SMIM36: variants seen among roughly 807,000 people sequenced by gnomAD.
SMIM36 encodes the protein small integral membrane protein 36.
At chr17:55,515,713 C>T (rs1322979054), upstream of SMIM36, among the ~76,000 whole-genome samples, 1 of 152,166 alleles carries the variant, frequency 6.6e-6, no homozygotes, top group Non-Finnish European at 1.5e-5. Context: ...TGGGACAGAC[C>T]CTCCCTCAGA....
chr17:55,498,646 C>T (rs1909852342), intron 1 of SMIM36, among the ~76,000 whole-genome samples: 1 of 151,394 alleles, frequency 6.6e-6, no homozygotes, highest in African/African-American at 2.4e-5. Flanking sequence ...CTCCTGGGCT[C>T]AAGGTATATA....
chr17:55,463,232 T>C (rs752831643), intron 4 of SMIM36, among the ~76,000 whole-genome samples: 1 of 152,088 alleles, frequency 6.6e-6, no homozygotes. Context: ...AATTTATAAA[T>C]TAGGCACAGT....
intron 1 of SMIM36, among the ~76,000 whole-genome samples, chr17:55,490,093 A>G (rs1321953898): frequency 6.6e-6 from 1 of 151,516 alleles, no homozygotes; most frequent in Non-Finnish European, 1.5e-5. Context: ...CTGACCTCGT[A>G]ATCTGCCTGC....
chr17:55,467,900 C>T (rs1412033101), intron 3 of SMIM36, among the ~76,000 whole-genome samples: 7 of 152,060 alleles, frequency 4.6e-5, no homozygotes, highest in African/African-American at 1.4e-4. Flanking sequence ...GATTTGTTCC[C>T]GCCCCACCCT....
chr17:55,501,416 A>ATAT (rs1567871215), intron 1 of SMIM36, among the ~76,000 whole-genome samples: 8 of 23,762 alleles, frequency 3.4e-4, no homozygotes, highest in African/African-American at 2.5e-3. Context: ...ATATATTATA[A>ATAT]AATATAATAT....
At chr17:55,482,411 G>A (rs572167641) in intron 1 of SMIM36, among the ~76,000 whole-genome samples, 9 of 152,262 alleles carry the variant, frequency 5.9e-5, no homozygotes, top group African/African-American at 2.2e-4. Context: ...TCTGGAACCT[G>A]CAACTGAAAC....
intron 1 of SMIM36, among the ~76,000 whole-genome samples, chr17:55,491,905 T>G (rs181302996): frequency 6.6e-6 from 1 of 152,092 alleles, no homozygotes; most frequent in Non-Finnish European, 1.5e-5. Flanking sequence ...CACACCTGTA[T>G]TCCCAGCACT....
chr17:55,516,046 C>T (rs146845060), upstream of SMIM36, among the ~76,000 whole-genome samples: 916 of 152,286 alleles, frequency 6.0e-3, 7 homozygotes, highest in South Asian at 0.025. Flanking sequence ...AAGAAAATTA[C>T]TGTATGTAAA....
chr17:55,510,615 C>A (rs1567873055), intron 1 of SMIM36, among the ~76,000 whole-genome samples: 1 of 152,072 alleles, frequency 6.6e-6, no homozygotes, highest in African/African-American at 2.4e-5. Context: ...AAAATAACAA[C>A]AAAAAACTGG....
chr17:55,512,986 C>T (rs1279663485), upstream of SMIM36, among the ~76,000 whole-genome samples: 7 of 152,116 alleles, frequency 4.6e-5, no homozygotes, highest in Non-Finnish European at 7.3e-5. Flanking sequence ...CATCTGGAGA[C>T]GTTTTTCCAA....
chr17:55,483,831 C>A (rs973778243), intron 1 of SMIM36, among the ~76,000 whole-genome samples: 1 of 152,084 alleles, frequency 6.6e-6, no homozygotes, highest in Non-Finnish European at 1.5e-5. Context: ...ACCACATTGG[C>A]CAGGCTGGTT....
chr17:55,478,915 G>A (rs1176779708), intron 2 of SMIM36, 102 bp from the exon 3 acceptor site: 1 of 152,204 alleles, frequency 6.6e-6, no homozygotes, highest in South Asian at 2.1e-4. Flanking sequence ...TCTGGGAAAG[G>A]AGAATGCAAC....
At position 55,500,900 on chromosome 17, in the gene SMIM36, T is replaced by A. The variant is rs1359723178; in HGVS notation, c.*174+9979A>T. ...ATTTTATAATATATATTATAATATA[T>A]TATATTATAATATATTATAATATAT... On this transcript the variant is annotated intron_variant, in intron 1 of 4. Coordinates refer to ENST00000636752, the Ensembl canonical transcript of SMIM36. 5.8e-4 allele frequency among the ~76,000 whole-genome samples: 10 copies of A among 17,112 alleles called. 3 individuals are homozygous for A. The highest frequency in any genetic ancestry group is 7.9e-3 in the East Asian group (2 of 252). 11.2% of individuals were successfully genotyped at this position (17,112 alleles called of 152,430 possible). A position where few individuals can be genotyped will look rare whatever the true frequency, so the allele number is the denominator to read the frequency against.
chr17:55,458,258 G>C (rs971614080), intron 4 of SMIM36: 6 of 152,114 alleles, frequency 3.9e-5, no homozygotes, highest in African/African-American at 1.4e-4. Context: ...AAGCAAACAG[G>C]CCCCCAGTCA....
chr17:55,498,613 A>G (rs909721431), intron 1 of SMIM36, among the ~76,000 whole-genome samples: 1 of 150,740 alleles, frequency 6.6e-6, no homozygotes, highest in Non-Finnish European at 1.5e-5. Context: ...AGGTCTTGCT[A>G]TGTGGCCTAG....
chr17:55,454,338 A>G (rs761039565), intron 4 of SMIM36, among the ~76,000 whole-genome samples: 1 of 152,256 alleles, frequency 6.6e-6, no homozygotes, highest in Admixed American at 6.5e-5. Flanking sequence ...TGTGCATTAC[A>G]AAAGAGAAAG....
At chr17:55,520,383 C>T in the SMIM36 span, among the ~76,000 whole-genome samples, 96 of 152,266 alleles carry the variant, frequency 6.3e-4, 1 homozygote, top group East Asian at 0.014. Context: ...AATTTGTTTT[C>T]TTATTAAATA....
At chr17:55,468,681 C>T (rs763710858) in intron 3 of SMIM36, among the ~76,000 whole-genome samples, 5 of 152,186 alleles carry the variant, frequency 3.3e-5, no homozygotes, top group Non-Finnish European at 7.3e-5. Flanking sequence ...CCCCCTTCTC[C>T]GTGTCTCTAC....
At chr17:55,469,495 C>T (rs940521811) in intron 3 of SMIM36, among the ~76,000 whole-genome samples, 1 of 152,198 alleles carries the variant, frequency 6.6e-6, no homozygotes, top group Non-Finnish European at 1.5e-5. Flanking sequence ...TTTTATCACC[C>T]AGTCCACTCC....
Sources: gnomAD v4.1 joint callset for allele counts (sites outside exome capture counted in the v4.1 genomes callset) on GRCh38, gnomAD v4.1.1 for gene constraint, MANE v1.5 for transcripts, NCBI Gene and HGNC (gene_info 2026-07-23, HGNC 2026-07-21) for gene names.